Variants in MRPS31 observed in about 807,000 individuals in gnomAD.
MRPS31 encodes mitochondrial ribosomal protein S31, also known as small ribosomal subunit protein mS31.
Under a neutral mutation model 43.1 loss-of-function variants are expected in MRPS31, and 32 were observed. The observed-to-expected ratio is 0.74, with a 90% CI of 0.56 to 1.00. The LOEUF (loss-of-function observed/expected upper bound fraction) is 1.00. Among genes scored for constraint, MRPS31 ranks in the 50% least tolerant of loss-of-function variants. The pLI, the probability that MRPS31 is intolerant of heterozygous loss-of-function variation, is 0.00. For synonymous variants in MRPS31, 165 were observed against 161.6 expected (o/e 1.02, Z -0.16); for missense variants, 437 against 466.7 (o/e 0.94, Z 0.59).
chr13:40,763,086 T>C (rs1313949633), intron 2 of MRPS31, among the ~76,000 whole-genome samples: 1 of 152,148 alleles, frequency 6.6e-6, no homozygotes, highest in Admixed American at 6.6e-5. Context: ...TCCAAATGAA[T>C]CAGGTTAAGA....
chr13:40,739,663 A>G (rs974368332), intron 6 of MRPS31, among the ~76,000 whole-genome samples: 2 of 152,084 alleles, frequency 1.3e-5, no homozygotes, highest in African/African-American at 4.8e-5. Flanking sequence ...ATCTTTGACA[A>G]ACCTGAGAAA....
intron 4 of MRPS31, among the ~76,000 whole-genome samples, chr13:40,755,426 T>C (rs1880503196): frequency 6.6e-6 from 1 of 152,258 alleles, no homozygotes; most frequent in African/African-American, 2.4e-5. Context: ...ATGTACCAGA[T>C]AGTTTACACG....
intron 6 of MRPS31, among the ~76,000 whole-genome samples, chr13:40,736,123 A>G (rs1195973971): frequency 1.3e-5 from 2 of 149,768 alleles, no homozygotes; most frequent in Admixed American, 1.3e-4. Context: ...CTCGAGAACT[A>G]CGTGAAGAAT....
At chr13:40,750,751 T>TAC (rs1880366587) in intron 5 of MRPS31, among the ~76,000 whole-genome samples, 1 of 131,610 alleles carries the variant, frequency 7.6e-6, no homozygotes. Context: ...TTTATATATA[T>TAC]ATATATATAT....
chr13:40,744,375 G>A (rs1463346764), intron 6 of MRPS31, among the ~76,000 whole-genome samples: 5 of 151,934 alleles, frequency 3.3e-5, no homozygotes, highest in East Asian at 1.9e-4. Flanking sequence ...AAAAAAATAG[G>A]AAGAAAACAC....
Position 40,738,347 on chromosome 13 carries a change from T to C in MRPS31, c.959-8746A>G, listed in dbSNP as rs1879984268. ...GGACCAGATGGATTCACAGCTGAAT[T>C]CTACCAGAGGTACAAGGAGGAACTG... is the stretch of plus-strand genomic sequence containing the variant. On this transcript the variant is annotated intron_variant, in intron 6 of 6. Transcript: ENST00000323563. Among the ~76,000 whole-genome samples, 7 of 152,156 alleles carry C rather than the reference T, an allele frequency of 4.6e-5. 1 individual carries two copies. In the South Asian group the frequency reaches 1.5e-3, roughly 32 times the overall value.
intron 6 of MRPS31, among the ~76,000 whole-genome samples, chr13:40,736,221 A>C (rs184141463): frequency 6.6e-6 from 1 of 152,286 alleles, no homozygotes; most frequent in East Asian, 1.9e-4. Flanking sequence ...CAGGAAGGAA[A>C]GTTTAGAGAA....
At chr13:40,764,233 G>A (rs1030003096) in intron 2 of MRPS31, among the ~76,000 whole-genome samples, 1 of 152,200 alleles carries the variant, frequency 6.6e-6, no homozygotes, top group Non-Finnish European at 1.5e-5. Flanking sequence ...CCCCCACCAG[G>A]ATGGATGCAC....
chr13:40,741,910 C>T (rs1880108495), intron 6 of MRPS31, among the ~76,000 whole-genome samples: 1 of 151,130 alleles, frequency 6.6e-6, no homozygotes, highest in Non-Finnish European at 1.5e-5. Context: ...CACACACACA[C>T]ACACACACAC....
At position 40,749,252 on chromosome 13, in the gene MRPS31, A is replaced by C. The variant is rs1459362671; in HGVS notation, c.844T>G (p.Phe282Val). 6.3e-7 allele frequency: 1 copy of C among 1,593,222 alleles called. No homozygotes were observed. Among genetic ancestry groups the C allele is most frequent in the East Asian group, 2.3e-5 (1 of 43,584 alleles). Residue 282 changes from phenylalanine (F) to valine (V), a missense_variant, in exon 6 of 7, where the codon TTT becomes GTT. Coordinates refer to ENST00000323563, the MANE Select transcript of MRPS31 (RefSeq NM_005830.4). ...DTSPSLWDVE[F>V]AKQLATVNEQ... Reference sequence around the variant, plus strand: ...TTTACTGTGGCTAACTGCTTAGCAAATTCCACATCCCAAAGTGAAGGTGAT... The same window carrying C: ...TTTACTGTGGCTAACTGCTTAGCAACTTCCACATCCCAAAGTGAAGGTGAT...
At chr13:40,743,530 AGGTG>A (rs893498093) in intron 6 of MRPS31, among the ~76,000 whole-genome samples, 2 of 152,210 alleles carry the variant, frequency 1.3e-5, no homozygotes, top group Non-Finnish European at 2.9e-5. Flanking sequence ...CCCTATTAAA[AGGTG>A]GGCAAAGGAG....
At chr13:40,741,525 A>G (rs1339535884) in intron 6 of MRPS31, among the ~76,000 whole-genome samples, 1 of 152,202 alleles carries the variant, frequency 6.6e-6, no homozygotes, top group Non-Finnish European at 1.5e-5. Context: ...GGAAATGCAA[A>G]TAAAAACACC....
At chr13:40,769,301 A>G (rs1880934580) in intron 1 of MRPS31, among the ~76,000 whole-genome samples, 1 of 143,884 alleles carries the variant, frequency 7.0e-6, no homozygotes, top group Admixed American at 7.0e-5. Context: ...GCTTGAACCC[A>G]GGGAGCAGAG....
intron 1 of MRPS31, among the ~76,000 whole-genome samples, chr13:40,767,908 T>C (rs1004918861): frequency 2.6e-5 from 4 of 152,198 alleles, no homozygotes; most frequent in Non-Finnish European, 5.9e-5. Context: ...TGATCAACAT[T>C]GTCATCGAGC....
chr13:40,738,216 C>T (rs933848307), intron 6 of MRPS31, among the ~76,000 whole-genome samples: 1 of 151,154 alleles, frequency 6.6e-6, no homozygotes, highest in Admixed American at 6.6e-5. Flanking sequence ...TTGACACATA[C>T]ACTCTCCCAA....
intron 6 of MRPS31, among the ~76,000 whole-genome samples, chr13:40,730,077 G>A (rs1202265957): frequency 6.6e-6 from 1 of 151,936 alleles, no homozygotes; most frequent in Non-Finnish European, 1.5e-5. Flanking sequence ...AGTGACTTTG[G>A]ACTAATTAAT....
intron 6 of MRPS31, among the ~76,000 whole-genome samples, chr13:40,736,186 G>A (rs1879899335): frequency 6.6e-6 from 1 of 151,908 alleles, no homozygotes; most frequent in African/African-American, 2.4e-5. Context: ...TATCAGCAAT[G>A]GAAGATGAAA....
Position 40,759,026 on chromosome 13 carries a change from T to G in MRPS31, c.521A>C (p.Lys174Thr). 6.2e-7 allele frequency: 1 copy of G among 1,608,694 alleles called. No homozygotes were observed. Among genetic ancestry groups the G allele is most frequent in the Non-Finnish European group, 8.5e-7 (1 of 1,177,942 alleles). The change falls in exon 3 of 7, where the codon AAG becomes ACG. Residue 174 changes from lysine to threonine, a missense_variant. Transcript: ENST00000323563. ...CTGGAGCTGGCTCAGCAGCTCTGAC[T>G]TGGTTGTTTGCTTATCAAAAGGGAG... ...DSLPFDKQTT[K>T]SELLSQLQQH...
intron 1 of MRPS31, 21 bp downstream of exon 1, chr13:40,770,964 C>A (rs1463113687): frequency 1.2e-6 from 2 of 1,613,940 alleles, no homozygotes; most frequent in Non-Finnish European, 1.7e-6. Context: ...GGACGGGGCA[C>A]GGGGTTGCCT....
Sources: allele counts gnomAD v4.1 joint callset (sites outside exome capture counted in the v4.1 genomes callset), GRCh38; gene constraint gnomAD v4.1.1; transcripts MANE v1.5; gene names NCBI Gene and HGNC (gene_info 2026-07-23, HGNC 2026-07-21).